The following LINC00237 variants were observed in gnomAD, a reference collection of about 807,000 sequenced individuals.
LINC00237 encodes the protein long intergenic non-protein coding RNA 237.
At chr20:21,105,723 G>T (rs935180915) in intron 1 of LINC00237, among the ~76,000 whole-genome samples, 1 of 152,200 alleles carries the variant, frequency 6.6e-6, no homozygotes, top group African/African-American at 2.4e-5. Flanking sequence ...CTAGGAATCC[G>T]GCTGGAAACC....
intron 2 of LINC00237, among the ~76,000 whole-genome samples, chr20:21,088,651 T>G (rs1049234913): frequency 3.3e-5 from 5 of 152,168 alleles, no homozygotes; most frequent in Admixed American, 3.3e-4. Context: ...CACAGGGAAA[T>G]GTGGATTTAT....
At chr20:21,104,342 C>T (rs1189664132) in intron 1 of LINC00237, among the ~76,000 whole-genome samples, 1 of 152,226 alleles carries the variant, frequency 6.6e-6, no homozygotes, top group Non-Finnish European at 1.5e-5. Flanking sequence ...AGAGCGTTGG[C>T]CTTTGGTCAG....
intron 1 of LINC00237, among the ~76,000 whole-genome samples, chr20:21,104,810 G>T (rs1307467349): frequency 6.6e-6 from 1 of 152,170 alleles, no homozygotes; most frequent in Non-Finnish European, 1.5e-5. Context: ...CTCTCTGGGT[G>T]TTTTGAGAGG....
At chr20:21,085,785 G>A (rs1437507309) in exon 4 of LINC00237, among the ~76,000 whole-genome samples, 1 of 152,084 alleles carries the variant, frequency 6.6e-6, no homozygotes, top group African/African-American at 2.4e-5. Flanking sequence ...TACACTTATT[G>A]TATGTGTACT....
chr20:21,105,753 A>G (rs986462417), intron 1 of LINC00237, among the ~76,000 whole-genome samples: 1 of 152,040 alleles, frequency 6.6e-6, no homozygotes, highest in African/African-American at 2.4e-5. Context: ...CTGCGCCTAG[A>G]GTTTTGCGGG....
chr20:21,089,203 A>G (rs945919685), intron 2 of LINC00237, among the ~76,000 whole-genome samples: 17 of 151,038 alleles, frequency 1.1e-4, no homozygotes, highest in African/African-American at 3.7e-4. Flanking sequence ...CAAGTATGCT[A>G]TTAGAAATGT....
At chr20:21,087,123 C>G (rs2030723050) in intron 3 of LINC00237, among the ~76,000 whole-genome samples, 1 of 150,438 alleles carries the variant, frequency 6.6e-6, no homozygotes, top group African/African-American at 2.4e-5. Context: ...GAGATAGAGA[C>G]AGAGAGACAG....
chr20:21,088,114 C>T (rs1026856100), intron 2 of LINC00237: 1 of 152,252 alleles, frequency 6.6e-6, no homozygotes, highest in African/African-American at 2.4e-5. Flanking sequence ...TCCCAAAAGG[C>T]TCCTTGAAAG....
intron 1 of LINC00237, among the ~76,000 whole-genome samples, chr20:21,094,577 G>T (rs936251036): frequency 1.3e-5 from 2 of 152,112 alleles, no homozygotes; most frequent in African/African-American, 2.4e-5. Context: ...TGGAAAGAGG[G>T]GTGGGTAAGC....
chr20:21,088,329 T>C (rs2030742819), intron 2 of LINC00237, among the ~76,000 whole-genome samples: 1 of 152,204 alleles, frequency 6.6e-6, no homozygotes, highest in African/African-American at 2.4e-5. Context: ...GCAAACCCAC[T>C]CTGCATTTCT....
chr20:21,088,345 T>C (rs1048687784), intron 2 of LINC00237, among the ~76,000 whole-genome samples: 1 of 152,228 alleles, frequency 6.6e-6, no homozygotes, highest in Non-Finnish European at 1.5e-5. Context: ...TTTCTGTTAT[T>C]ACTGATACAG....
In LINC00237 at chr20:21,085,982, G is replaced by A. The variant is rs533149369; in HGVS notation, n.560-94C>T. ...AACCCTCAAGACCCACAGGGGTGAC[G>A]TGGAGATTAGCCCTGGTGGAAGCTG... On this transcript the variant is annotated intron_variant and non_coding_transcript_variant, in intron 3 of 3. Coordinates refer to ENST00000691244, the Ensembl canonical transcript of LINC00237. 1.1e-4 allele frequency among the ~76,000 whole-genome samples: 16 copies of A among 152,324 alleles called. No homozygotes were observed. The South Asian group carries it at 2.1e-3, about 20-fold the overall frequency.
intron 1 of LINC00237, among the ~76,000 whole-genome samples, chr20:21,103,134 C>T (rs2122184763): frequency 6.6e-6 from 1 of 152,384 alleles, no homozygotes; most frequent in Non-Finnish European, 1.5e-5. Context: ...CTCAGAGCCC[C>T]AAACCGGAGG....
chr20:21,101,065 G>A lies in LINC00237; in HGVS notation n.88+5206C>T, dbSNP rs2030924800. On this transcript the variant is annotated intron_variant and non_coding_transcript_variant, in intron 1 of 3. Transcript: ENST00000691244. This position sits in a 1 kb window ranked among gnomAD's most constrained non-coding sequence, Gnocchi z 4.3. ...GCGACAAACAGCCCCACCGAGAGCC[G>A]CTGAATGGGCGTGATTAGCATGTGA... Among the ~76,000 whole-genome samples the A allele has an allele frequency of 6.6e-6, 1 of 152,172 alleles. No homozygotes were observed. The highest frequency in any genetic ancestry group is 6.5e-5 in the Admixed American group (1 of 15,278).
intron 1 of LINC00237, among the ~76,000 whole-genome samples, chr20:21,096,968 A>G (rs964036382): frequency 6.6e-6 from 1 of 152,200 alleles, no homozygotes; most frequent in Non-Finnish European, 1.5e-5. Flanking sequence ...GAAACCATAC[A>G]AACCACACAA....
At chr20:21,103,019 C>G (rs1374155765) in intron 1 of LINC00237, among the ~76,000 whole-genome samples, 1 of 152,214 alleles carries the variant, frequency 6.6e-6, no homozygotes, top group Non-Finnish European at 1.5e-5. Context: ...CGGAGAAGGA[C>G]GTCGCGACCG....
intron 2 of LINC00237, among the ~76,000 whole-genome samples, chr20:21,091,711 C>T (rs940964270): frequency 2.0e-5 from 3 of 152,186 alleles, no homozygotes; most frequent in East Asian, 1.9e-4. Flanking sequence ...AAGAATGGCT[C>T]TTTAATGAGT....
At chr20:21,092,034 A>T (rs1404952703) in intron 2 of LINC00237, among the ~76,000 whole-genome samples, 1 of 152,030 alleles carries the variant, frequency 6.6e-6, no homozygotes, top group Non-Finnish European at 1.5e-5. Context: ...TTTCTGACAA[A>T]TCACTATTAA....
chr20:21,092,555 T>C (rs1238398746), intron 2 of LINC00237, among the ~76,000 whole-genome samples: 1 of 152,236 alleles, frequency 6.6e-6, no homozygotes, highest in Non-Finnish European at 1.5e-5. Flanking sequence ...ATTTCAATGA[T>C]TAAAGATAAT....
Sources: gnomAD v4.1 joint callset for allele counts (sites outside exome capture counted in the v4.1 genomes callset) on GRCh38, gnomAD v4.1.1 for gene constraint, Gnocchi (gnomAD v3.1) non-coding constraint, MANE v1.5 for transcripts, NCBI Gene and HGNC (gene_info 2026-07-23, HGNC 2026-07-21) for gene names.